The following STOX2 variants were observed in gnomAD, a reference collection of about 807,000 sequenced individuals.
STOX2 encodes storkhead box 2, also known as storkhead-box protein 2.
STOX2 carries 28 observed loss-of-function variants against 60.9 expected under a neutral mutation model. The observed-to-expected ratio is 0.46, with a 90% confidence interval of 0.34 to 0.63. STOX2 has a LOEUF of 0.63. STOX2 is among the 30% of genes least tolerant of loss of function. The pLI is 0.01. For missense variants in STOX2, 1,024 were observed against 1,187.7 expected (o/e 0.86, Z 2.03); for synonymous variants, 472 against 463.9 (o/e 1.02, Z -0.22).
At chr4:183,811,543 ATTGT>A (rs1346513902) in intron 1 of STOX2, among the ~76,000 whole-genome samples, 1 of 152,182 alleles carries the variant, frequency 6.6e-6, no homozygotes, top group East Asian at 1.9e-4. Flanking sequence ...TGTGGAAGAG[ATTGT>A]TTATGTTTAA....
intron 1 of STOX2, among the ~76,000 whole-genome samples, chr4:183,824,401 G>A (rs1004034682): frequency 6.6e-6 from 1 of 152,184 alleles, no homozygotes; most frequent in Non-Finnish European, 1.5e-5. Flanking sequence ...ATTTCGTTAG[G>A]TAAATTTCTG....
At chr4:183,909,721 C>T (rs1055511615) in intron 1 of STOX2, among the ~76,000 whole-genome samples, 1 of 151,704 alleles carries the variant, frequency 6.6e-6, no homozygotes, top group African/African-American at 2.4e-5. Flanking sequence ...CCGTACCACA[C>T]AGTAGGTGCT....
intron 1 of STOX2, among the ~76,000 whole-genome samples, chr4:183,892,760 G>A (rs1464374068): frequency 6.6e-6 from 1 of 151,454 alleles, no homozygotes; most frequent in Non-Finnish European, 1.5e-5. Context: ...CCTCTCCTCC[G>A]AGGCAGTTTT....
At chr4:183,968,428 T>A (rs1024139429) in intron 1 of STOX2, among the ~76,000 whole-genome samples, 1 of 151,718 alleles carries the variant, frequency 6.6e-6, no homozygotes. Context: ...AAAGTTATCT[T>A]TATGAGAAAT....
Position 184,010,770 on chromosome 4 carries a change from C to T in STOX2, c.1932C>T (p.Pro644=). The change falls in exon 3 of 4, where the codon CCC becomes CCT. Residue 644 remains proline (P), a synonymous_variant. Coordinates refer to ENST00000308497, the MANE Select transcript of STOX2 (RefSeq NM_020225.3). This position sits in a 1 kb window ranked among gnomAD's most constrained non-coding sequence, Gnocchi z 4.5. ...KKLSPSDRQV[P]HSSREPVGHK... ...TCTCCCCTTCTGATAGGCAGGTCCC[C>T]CACTCCTCCAGGGAGCCTGTGGGGC... is the stretch of plus-strand genomic sequence containing the variant. The T allele has an allele frequency of 6.3e-7, 1 of 1,580,896 alleles. No homozygotes were observed. The highest frequency in any genetic ancestry group is 8.6e-7 in the Non-Finnish European group (1 of 1,164,384).
At chr4:183,884,231 G>A (rs770400485) in intron 1 of STOX2, among the ~76,000 whole-genome samples, 12 of 64,136 alleles carry the variant, frequency 1.9e-4, no homozygotes, top group Non-Finnish European at 3.0e-4. Context: ...AGTCATTTGA[G>A]TATCAGTATA....
chr4:183,894,811 A>T (rs1214459155), intron 1 of STOX2, among the ~76,000 whole-genome samples: 3 of 152,176 alleles, frequency 2.0e-5, no homozygotes, highest in Admixed American at 6.5e-5. Context: ...AGTGTGAAGG[A>T]GGTTTGTGGA....
intron 1 of STOX2, among the ~76,000 whole-genome samples, chr4:183,853,067 T>A (rs1740198972): frequency 6.6e-6 from 1 of 152,172 alleles, no homozygotes; most frequent in Non-Finnish European, 1.5e-5. Context: ...GGACTTACGG[T>A]CACCCTAGTT....
chr4:183,930,840 T>C (rs1742401468), intron 1 of STOX2, among the ~76,000 whole-genome samples: 2 of 152,222 alleles, frequency 1.3e-5, no homozygotes, highest in African/African-American at 4.8e-5. Context: ...ATCTACAAAT[T>C]TTCTTTTTTT....
chr4:183,914,040 T>TA (rs1173127707), intron 1 of STOX2, among the ~76,000 whole-genome samples: 1 of 152,140 alleles, frequency 6.6e-6, no homozygotes, highest in Non-Finnish European at 1.5e-5. Flanking sequence ...ATTAGTTCAG[T>TA]AAAAAATATT....
At chr4:183,870,722 T>C (rs1740669346) in intron 1 of STOX2, among the ~76,000 whole-genome samples, 1 of 152,222 alleles carries the variant, frequency 6.6e-6, no homozygotes, top group Admixed American at 6.5e-5. Context: ...ATATGGTCTT[T>C]CAAAGACATA....
At chr4:183,917,688 C>G (rs1741970149) in intron 1 of STOX2, among the ~76,000 whole-genome samples, 1 of 152,202 alleles carries the variant, frequency 6.6e-6, no homozygotes, top group South Asian at 2.1e-4. Context: ...GAACACGTCC[C>G]AGAGAGCAGA....
chr4:183,850,891 A>G (rs200539438), intron 1 of STOX2, among the ~76,000 whole-genome samples: 530 of 64,106 alleles, frequency 8.3e-3, no homozygotes, highest in East Asian at 0.014. Flanking sequence ...AAAGGATGAG[A>G]GAAACGATGA....
chr4:183,949,013 A>C (rs1430718318), intron 1 of STOX2, among the ~76,000 whole-genome samples: 2 of 152,190 alleles, frequency 1.3e-5, no homozygotes, highest in Non-Finnish European at 2.9e-5. Context: ...CCTGGAGACT[A>C]TAAGAAAAAT....
chr4:183,994,410 C>G (rs772383225), intron 1 of STOX2, among the ~76,000 whole-genome samples: 1 of 152,094 alleles, frequency 6.6e-6, no homozygotes, highest in Non-Finnish European at 1.5e-5. Flanking sequence ...AATGATGAAG[C>G]CTTTATTGTA....
At chr4:183,835,122 A>C (rs1189044187) in intron 1 of STOX2, among the ~76,000 whole-genome samples, 2 of 141,164 alleles carry the variant, frequency 1.4e-5, no homozygotes, top group African/African-American at 2.6e-5. Flanking sequence ...CAAGTTACCT[A>C]TTTTTTTTTT....
chr4:183,966,573 G>A (rs1743575967), intron 1 of STOX2, among the ~76,000 whole-genome samples: 2 of 152,178 alleles, frequency 1.3e-5, no homozygotes, highest in Non-Finnish European at 2.9e-5. Context: ...GATGACTCAG[G>A]CTACGCCACA....
chr4:183,967,219 G>A (rs1303489901), intron 1 of STOX2, among the ~76,000 whole-genome samples: 5 of 152,040 alleles, frequency 3.3e-5, no homozygotes, highest in South Asian at 2.1e-4. Context: ...AAAATTAGCC[G>A]GGTGTGGTGG....
chr4:183,986,048 A>C (rs1413244977), intron 1 of STOX2, among the ~76,000 whole-genome samples: 4 of 152,110 alleles, frequency 2.6e-5, no homozygotes, highest in Non-Finnish European at 5.9e-5. Flanking sequence ...GGCATGCATG[A>C]GAAGCTAGTG....
Sources: gnomAD v4.1 joint callset for allele counts (sites outside exome capture counted in the v4.1 genomes callset) on GRCh38, gnomAD v4.1.1 for gene constraint, Gnocchi (gnomAD v3.1) non-coding constraint, MANE v1.5 for transcripts, NCBI Gene and HGNC (gene_info 2026-07-23, HGNC 2026-07-21) for gene names.